The following ZFAND3 variants were observed in gnomAD, a reference collection of about 807,000 sequenced individuals.
ZFAND3 encodes zinc finger AN1-type containing 3, also known as AN1-type zinc finger protein 3.
A neutral mutation model predicts 29.6 loss-of-function variants in ZFAND3; 10 were observed. The observed-to-expected ratio is 0.34, with a 90% confidence interval of 0.21 to 0.57. ZFAND3 has a LOEUF of 0.57. Ranked by LOEUF, ZFAND3 falls within the 20% of genes least tolerant of loss-of-function variation. ZFAND3 has a pLI of 0.86. For missense variants in ZFAND3, 230 were observed against 304.5 expected, an observed-to-expected ratio of 0.76 and a Z score of 1.82; for synonymous variants, 128 against 112.6, an observed-to-expected ratio of 1.14 and a Z score of -0.87.
At chr6:38,032,631 A>G (rs953621339) in intron 2 of ZFAND3, among the ~76,000 whole-genome samples, 2 of 152,220 alleles carry the variant, frequency 1.3e-5, no homozygotes, top group Non-Finnish European at 2.9e-5. Flanking sequence ...AAATATCTTC[A>G]TCTCTTTATT....
chr6:38,134,064 A>G (rs1038165438), intron 5 of ZFAND3, among the ~76,000 whole-genome samples: 8 of 152,182 alleles, frequency 5.3e-5, no homozygotes, highest in South Asian at 2.1e-4. Context: ...TGTGAGAACC[A>G]CTTAAGATGG....
chr6:37,869,513 ATTTTTT>A (rs543408260), intron 1 of ZFAND3, among the ~76,000 whole-genome samples: 2 of 141,322 alleles, frequency 1.4e-5, no homozygotes, highest in Non-Finnish European at 3.1e-5. Flanking sequence ...AAGTTTGTTA[ATTTTTT>A]TTTTTTTTTG....
chr6:38,054,890 G>T (rs1764104079), intron 2 of ZFAND3, among the ~76,000 whole-genome samples: 1 of 152,136 alleles, frequency 6.6e-6, no homozygotes. Flanking sequence ...TAGAAGTCTG[G>T]TTTATGAATT....
intron 2 of ZFAND3, among the ~76,000 whole-genome samples, chr6:37,958,540 T>G (rs763436328): frequency 4.4e-4 from 67 of 152,110 alleles, no homozygotes; most frequent in Non-Finnish European, 7.4e-4. Context: ...ATGCTGTATT[T>G]CTGCCGTCAC....
rs185388734 is a variant in ZFAND3 at position 37,980,499 on chromosome 6, G to A, written c.112+50500G>A. Among the ~76,000 whole-genome samples the A allele has an allele frequency of 1.1e-4, 16 of 152,246 alleles. No individual in the cohort carries two copies. In the East Asian group the frequency reaches 1.3e-3, roughly 13 times the overall value. ...TCTGAATTGTATCACTTGATTTGAA[G>A]CAAGTATTAGCTTCCTGCTTGAAAC... is the stretch of plus-strand genomic sequence containing the variant. On this transcript the variant is annotated intron_variant, in intron 2 of 5. Transcript: ENST00000287218.
intron 2 of ZFAND3, among the ~76,000 whole-genome samples, chr6:38,000,392 G>A (rs1404577610): frequency 6.6e-6 from 1 of 152,130 alleles, no homozygotes; most frequent in Admixed American, 6.5e-5. Context: ...TGCTAATAAA[G>A]ACATACCCAA....
chr6:37,889,306 A>G (rs1467998050), intron 1 of ZFAND3, among the ~76,000 whole-genome samples: 1 of 152,214 alleles, frequency 6.6e-6, no homozygotes, highest in African/African-American at 2.4e-5. Context: ...TCCGACTCCC[A>G]GAAAACTTCC....
chr6:37,984,100 T>C (rs1762625780), intron 2 of ZFAND3, among the ~76,000 whole-genome samples: 1 of 152,204 alleles, frequency 6.6e-6, no homozygotes, highest in Admixed American at 6.5e-5. Flanking sequence ...ACTATCTGGA[T>C]GATGAAATGT....
At chr6:38,082,597 G>A (rs1764685411) in intron 4 of ZFAND3, 140 bp downstream of exon 4, 5 of 715,946 alleles carry the variant, frequency 7.0e-6, no homozygotes, top group South Asian at 2.0e-5. Flanking sequence ...TAGTATTCAC[G>A]GCGGAGTGTC....
chr6:37,822,965 G>A (rs898298758), intron 1 of ZFAND3, among the ~76,000 whole-genome samples: 2 of 152,216 alleles, frequency 1.3e-5, no homozygotes, highest in Admixed American at 1.3e-4. Context: ...GGTGATCCAG[G>A]GCCCTCATAG....
intron 4 of ZFAND3, among the ~76,000 whole-genome samples, chr6:38,097,831 G>A (rs1765012666): frequency 6.6e-6 from 1 of 152,164 alleles, no homozygotes; most frequent in South Asian, 2.1e-4. Context: ...GGAATCAGAA[G>A]CTGATAATAA....
chr6:37,956,446 A>T (rs969109340), intron 2 of ZFAND3, among the ~76,000 whole-genome samples: 2 of 152,350 alleles, frequency 1.3e-5, no homozygotes, highest in African/African-American at 4.8e-5. Context: ...AGAAAAGGAG[A>T]TAAATGAAGT....
rs570457657 is a variant in ZFAND3, at chr6:37,875,636, T to A, written c.72-54323T>A. ...TTTATGTAATAGTTAATTTCTGTAT[T>A]TTTTTTTTTTTTTAAATAGAGATGA... On this transcript the variant is annotated intron_variant, in intron 1 of 5. Coordinates refer to ENST00000287218, the MANE Select transcript of ZFAND3 (RefSeq NM_021943.3). 8.8e-3 allele frequency among the ~76,000 whole-genome samples: 809 copies of A among 92,140 alleles called. 6 individuals are homozygous for A. Among genetic ancestry groups the A allele is most frequent in the Non-Finnish European group, 0.013 (617 of 47,882 alleles). 60.4% of individuals were successfully genotyped at this position (92,140 alleles called of 152,430 possible).
At chr6:38,087,066 G>T (rs749780263) in intron 4 of ZFAND3, among the ~76,000 whole-genome samples, 1 of 152,112 alleles carries the variant, frequency 6.6e-6, no homozygotes, top group South Asian at 2.1e-4. Context: ...TTTGACAAAG[G>T]TGCCAAGAAC....
Position 38,133,706 on chromosome 6 carries a change from C to T in ZFAND3, c.529+16967C>T, listed in dbSNP as rs545656405. Among the ~76,000 whole-genome samples the T allele has an allele frequency of 1.1e-4, 16 of 151,452 alleles. No homozygotes were observed. The South Asian group carries it at 2.5e-3, about 24-fold the overall frequency. On this transcript the variant is annotated intron_variant, in intron 5 of 5. Transcript: ENST00000287218. The stretch of plus-strand genomic sequence containing the variant: ...CAGAGCTTGCAGTGAGCCGAGATCA[C>T]GCCACTGCACTCCAGCCTGGGTGAC...
chr6:38,066,692 G>A (rs1201983245), intron 3 of ZFAND3, among the ~76,000 whole-genome samples: 1 of 152,136 alleles, frequency 6.6e-6, no homozygotes, highest in Non-Finnish European at 1.5e-5. Flanking sequence ...CTATCAACAT[G>A]AACTTGAACT....
Position 38,116,619 on chromosome 6 carries a change from C to T in ZFAND3, c.409C>T (p.Leu137Phe), listed in dbSNP as rs1391598870. The T allele has an allele frequency of 6.2e-7, 1 of 1,613,934 alleles. No individual in the cohort carries two copies. The highest frequency in any genetic ancestry group is 8.5e-7 in the Non-Finnish European group (1 of 1,179,804). ...EASPVKRPRL[L>F]ENTERSEETS... ...TTCACCAGTAAAACGGCCACGACTA[C>T]TTGAGAATACGGAACGGTCCGAGGA... is the stretch of plus-strand genomic sequence containing the variant. Residue 137 changes from leucine (L) to phenylalanine (F), a missense_variant, in exon 5 of 6, where the codon CTT becomes TTT. By Grantham distance (22) the Leu-to-Phe change is conservative. Around this residue, in one of 2 missense-constraint regions of ZFAND3, gnomAD observed 180 missense variants for 202.5 expected, o/e 0.89. Transcript: ENST00000287218.
intron 1 of ZFAND3, among the ~76,000 whole-genome samples, chr6:37,912,115 T>A (rs1032533403): frequency 6.6e-5 from 10 of 151,308 alleles, no homozygotes; most frequent in Non-Finnish European, 1.2e-4. Context: ...GCAAGTTTTG[T>A]GGCTAAGAAG....
At chr6:37,991,240 G>A (rs1762753842) in intron 2 of ZFAND3, among the ~76,000 whole-genome samples, 1 of 152,036 alleles carries the variant, frequency 6.6e-6, no homozygotes, top group Non-Finnish European at 1.5e-5. Context: ...TTTTCCCTCT[G>A]TGTGTCTGTG....
Sources: allele counts gnomAD v4.1 joint callset (sites outside exome capture counted in the v4.1 genomes callset), GRCh38; gene constraint gnomAD v4.1.1; regional missense constraint gnomAD v4.1.1; transcripts MANE v1.5; gene names NCBI Gene and HGNC (gene_info 2026-07-23, HGNC 2026-07-21).